ELMO1: variants seen among roughly 807,000 people sequenced by gnomAD.
ELMO1 encodes the protein engulfment and cell motility 1, also known as engulfment and cell motility protein 1.
Under a neutral mutation model 98.9 loss-of-function variants are expected in ELMO1, and 26 were observed. That is an observed-to-expected ratio of 0.26 (90% CI 0.19 to 0.36). The LOEUF (loss-of-function observed/expected upper bound fraction) is 0.36. Ranked by LOEUF, ELMO1 falls within the 10% of genes least tolerant of loss-of-function variation. The pLI, the probability that ELMO1 is intolerant of heterozygous loss-of-function variation, is 1.00. For missense variants in ELMO1, 627 were observed against 935.2 expected (o/e 0.67, Z 4.30); for synonymous variants, 346 against 346.0 (o/e 1.00, Z 0.00).
rs537533766 is a variant in ELMO1, at chr7:37,192,525, C to T, written c.1086+18861G>A. 1.1e-4 allele frequency among the ~76,000 whole-genome samples: 15 copies of T among 141,970 alleles called. No homozygotes were observed. The South Asian group carries it at 1.6e-3, about 15-fold the overall frequency. The allele number at this position is 141,970 out of a possible 152,430, so 93.1% of individuals were successfully genotyped here. ...AAAAAAAAAAAAAAACTGGGCCGGG[C>T]GCAGTGGTTCACACCTATAATCCAG... is the stretch of plus-strand genomic sequence containing the variant. On this transcript the variant is annotated intron_variant, in intron 13 of 21. Transcript: ENST00000310758.
intron 2 of ELMO1, among the ~76,000 whole-genome samples, chr7:37,326,575 GA>G (rs1799826535): frequency 7.0e-6 from 1 of 142,246 alleles, no homozygotes; most frequent in Non-Finnish European, 1.5e-5. Flanking sequence ...AAAAAAAAAT[GA>G]AAGATGATAC....
At chr7:37,082,298 A>AT (rs113283586) in intron 15 of ELMO1, among the ~76,000 whole-genome samples, 2,821 of 148,918 alleles carry the variant, frequency 0.019, 34 homozygotes, top group Non-Finnish European at 0.026. Context: ...AAACAGAGGG[A>AT]TTTTTTTTTT....
chr7:37,057,224 C>G (rs1251700962), intron 15 of ELMO1, among the ~76,000 whole-genome samples: 3 of 151,612 alleles, frequency 2.0e-5, no homozygotes, highest in African/African-American at 7.3e-5. Context: ...CACCCTGACT[C>G]TGATATAAGA....
chr7:36,922,012 A>G (rs1290554460), intron 16 of ELMO1, among the ~76,000 whole-genome samples: 1 of 152,070 alleles, frequency 6.6e-6, no homozygotes, highest in African/African-American at 2.4e-5. Context: ...CTCCTTGCTA[A>G]TTTTGTTTTT....
intron 14 of ELMO1, among the ~76,000 whole-genome samples, chr7:37,118,571 G>A (rs1046530818): frequency 6.6e-6 from 1 of 152,192 alleles, no homozygotes; most frequent in African/African-American, 2.4e-5. Flanking sequence ...TCAGAAGGCT[G>A]TACATCAATC....
chr7:36,934,021 C>A (rs1786283711), intron 16 of ELMO1, among the ~76,000 whole-genome samples: 1 of 152,172 alleles, frequency 6.6e-6, no homozygotes, highest in Non-Finnish European at 1.5e-5. Context: ...GCTCTCCCAG[C>A]AGGATCCCAG....
chr7:37,337,981 T>A (rs1800514708), intron 2 of ELMO1, among the ~76,000 whole-genome samples: 1 of 152,196 alleles, frequency 6.6e-6, no homozygotes, highest in African/African-American at 2.4e-5. Flanking sequence ...CACTTGTCTT[T>A]TAATTTTTTC....
At chr7:37,419,993 T>C (rs1306892534) in intron 1 of ELMO1, among the ~76,000 whole-genome samples, 1 of 152,230 alleles carries the variant, frequency 6.6e-6, no homozygotes, top group Non-Finnish European at 1.5e-5. Context: ...CAATATTCCA[T>C]TGCATGGTGA....
intron 13 of ELMO1, among the ~76,000 whole-genome samples, chr7:37,140,559 T>C (rs1285884350): frequency 3.3e-5 from 5 of 152,110 alleles, no homozygotes; most frequent in African/African-American, 1.2e-4. Flanking sequence ...AAAAAGCTTC[T>C]GCACAGAAAA....
At chr7:36,984,948 G>A (rs1026863418) in intron 16 of ELMO1, 14 of 985,204 alleles carry the variant, frequency 1.4e-5, no homozygotes, top group Admixed American at 6.2e-5. Context: ...ATTATAACTC[G>A]TCTGGAATCC....
intron 16 of ELMO1, among the ~76,000 whole-genome samples, chr7:36,971,052 C>T (rs1562866640): frequency 6.6e-6 from 1 of 152,206 alleles, no homozygotes; most frequent in East Asian, 1.9e-4. Context: ...TGTGGAAACC[C>T]AGGTATGGAG....
In ELMO1 at chr7:37,360,425, T is replaced by TA. The variant is rs963967962; in HGVS notation, c.-73-17663dup. Among the ~76,000 whole-genome samples, 556 of 125,562 alleles carry TA rather than the reference T, an allele frequency of 4.4e-3. 4 individuals carry two copies. Among genetic ancestry groups the TA allele is most frequent in the African/African-American group, 0.016 (516 of 32,212 alleles). The allele number at this position is 125,562 out of a possible 152,430, so 82.4% of individuals were successfully genotyped here. On this transcript the variant is annotated intron_variant, in intron 1 of 21. Coordinates refer to ENST00000310758, the MANE Select transcript of ELMO1 (RefSeq NM_014800.11). ...AGTTTATGAAACTTAACTGAAATTT[T>TA]AAAAAAAAAAAAAAACACCAAGGTC...
chr7:36,871,593 A>G (rs571545938), intron 19 of ELMO1, among the ~76,000 whole-genome samples: 1 of 152,306 alleles, frequency 6.6e-6, no homozygotes, highest in East Asian at 1.9e-4. Flanking sequence ...CAAGTAATCA[A>G]TTCCTTAGAC....
chr7:37,379,313 T>C (rs1410215860), intron 1 of ELMO1, among the ~76,000 whole-genome samples: 1 of 152,104 alleles, frequency 6.6e-6, no homozygotes, highest in Non-Finnish European at 1.5e-5. Flanking sequence ...GTGCTGGGAT[T>C]AACAGGTGTG....
chr7:36,865,507 C>T (rs1223058136), intron 20 of ELMO1, among the ~76,000 whole-genome samples: 1 of 152,196 alleles, frequency 6.6e-6, no homozygotes, highest in Non-Finnish European at 1.5e-5. Context: ...AATCCATATT[C>T]TTCTCCCCAT....
Position 37,057,095 on chromosome 7 carries a change from T to C in ELMO1, c.1300+39524A>G, listed in dbSNP as rs569962687. Among the ~76,000 whole-genome samples, 41 of 152,328 alleles carry C rather than the reference T, an allele frequency of 2.7e-4. No individual in the cohort carries two copies. In the South Asian group the frequency reaches 7.5e-3, roughly 28 times the overall value. ...GGGGGCTTAACACATAATTGTTAAATAAATGAAAACAAACATGTAACCAGA... is the reference window on the plus strand; with the variant it reads ...GGGGGCTTAACACATAATTGTTAAACAAATGAAAACAAACATGTAACCAGA... On this transcript the variant is annotated intron_variant, in intron 15 of 21. Coordinates refer to ENST00000310758, the MANE Select transcript of ELMO1 (RefSeq NM_014800.11).
chr7:37,029,158 C>T (rs187820762), intron 15 of ELMO1, among the ~76,000 whole-genome samples: 80 of 152,224 alleles, frequency 5.3e-4, no homozygotes, highest in African/African-American at 1.9e-3. Flanking sequence ...GATCTGTGCA[C>T]AACCAGTGTA....
intron 6 of ELMO1, among the ~76,000 whole-genome samples, chr7:37,257,161 C>T (rs1584881378): frequency 6.6e-6 from 1 of 152,210 alleles, no homozygotes; most frequent in Non-Finnish European, 1.5e-5. Context: ...GCTGGCCCCG[C>T]CTGGCTCCTG....
intron 1 of ELMO1, among the ~76,000 whole-genome samples, chr7:37,415,161 T>C (rs1040644114): frequency 6.6e-6 from 1 of 152,224 alleles, no homozygotes; most frequent in Non-Finnish European, 1.5e-5. Flanking sequence ...CCACACTCAT[T>C]TCTCTTGCAA....
Sources: allele counts gnomAD v4.1 joint callset (sites outside exome capture counted in the v4.1 genomes callset), GRCh38; gene constraint gnomAD v4.1.1; transcripts MANE v1.5; gene names NCBI Gene and HGNC (gene_info 2026-07-23, HGNC 2026-07-21).